Variants in MPHOSPH9 observed in about 807,000 individuals in gnomAD.
MPHOSPH9 encodes M-phase phosphoprotein 9.
Under a neutral mutation model 145.5 loss-of-function variants are expected in MPHOSPH9, and 88 were observed. That is an observed-to-expected ratio of 0.60 (90% confidence interval 0.51 to 0.72). The LOEUF is 0.72. MPHOSPH9 is among the 30% of genes least tolerant of loss of function. The pLI, the probability that MPHOSPH9 is intolerant of heterozygous loss-of-function variation, is 0.00. For missense variants in MPHOSPH9, 1,238 were observed against 1,386.6 expected (o/e 0.89, Z 1.70); for synonymous variants, 435 against 486.2 (o/e 0.89, Z 1.39).
intron 1 of MPHOSPH9, among the ~76,000 whole-genome samples, chr12:123,242,997 G>C (rs1007579249): frequency 3.1e-4 from 47 of 152,222 alleles, no homozygotes; most frequent in African/African-American, 1.1e-3. Context: ...GGAAAGATAA[G>C]TTTTGGACAT....
chr12:123,177,077 C>T (rs1000468924), intron 15 of MPHOSPH9, among the ~76,000 whole-genome samples: 10 of 152,052 alleles, frequency 6.6e-5, no homozygotes, highest in African/African-American at 2.4e-4. Context: ...GTAGTCCCAG[C>T]TACTCGGGGG....
rs1473384386 is a variant in MPHOSPH9 at position 123,227,558 on chromosome 12, A to G, written c.163T>C (p.Ser55Pro). ...VSSFSGKTRPSVIQGTVEVLT... is the reference protein window; with the variant it reads ...VSSFSGKTRPPVIQGTVEVLT... ...ACTTCAACTGTACCTTGAATTACAG[A>G]TGGTCTGGTCTTCCCTGAGAAAGAG... The change falls in exon 3 of 24, where the codon TCT becomes CCT. Residue 55 changes from serine to proline, a missense_variant. Transcript: ENST00000606320. 3.3e-6 allele frequency: 5 copies of G among 1,532,786 alleles called. No individual in the cohort carries two copies. In the South Asian group the frequency reaches 4.8e-5, roughly 15 times the overall value. The allele number at this position is 1,532,786 out of a possible 1,614,324, so 94.9% of individuals were successfully genotyped here.
At chr12:123,197,979 G>T (rs997114540) in intron 12 of MPHOSPH9, among the ~76,000 whole-genome samples, 11 of 151,252 alleles carry the variant, frequency 7.3e-5, no homozygotes, top group African/African-American at 2.7e-4. Context: ...AGCTACTCAG[G>T]AGGCTGAGGC....
intron 13 of MPHOSPH9, among the ~76,000 whole-genome samples, chr12:123,183,828 G>T (rs1593123774): frequency 6.6e-6 from 1 of 152,120 alleles, no homozygotes; most frequent in Non-Finnish European, 1.5e-5. Context: ...GACAGCAGGA[G>T]AAAATGAATG....
intron 8 of MPHOSPH9, among the ~76,000 whole-genome samples, chr12:123,209,343 T>C (rs1308803046): frequency 6.6e-6 from 1 of 152,174 alleles, no homozygotes; most frequent in East Asian, 1.9e-4. Context: ...TCCAGTATTT[T>C]AGAAGTTGAA....
At chr12:123,197,904 A>T (rs2046041231) in intron 12 of MPHOSPH9, among the ~76,000 whole-genome samples, 1 of 151,820 alleles carries the variant, frequency 6.6e-6, no homozygotes, top group Non-Finnish European at 1.5e-5. Flanking sequence ...TAACACGGTG[A>T]AACCCCGTCT....
chr12:123,164,753 TTTGTG>T (rs1370029584), intron 18 of MPHOSPH9, among the ~76,000 whole-genome samples: 4 of 152,102 alleles, frequency 2.6e-5, no homozygotes, highest in Non-Finnish European at 5.9e-5. Flanking sequence ...GTGTTTACAC[TTTGTG>T]TTGTGTTGTG....
At chr12:123,211,637 T>C (rs1422858753) in intron 7 of MPHOSPH9, among the ~76,000 whole-genome samples, 2 of 151,496 alleles carry the variant, frequency 1.3e-5, no homozygotes, top group Non-Finnish European at 2.9e-5. Flanking sequence ...ATTACAGTTG[T>C]GAGCTACCAG....
chr12:123,201,762 TA>T (rs1205207648), intron 11 of MPHOSPH9, among the ~76,000 whole-genome samples: 2 of 152,136 alleles, frequency 1.3e-5, no homozygotes, highest in Admixed American at 6.6e-5. Context: ...TAAGTGATTC[TA>T]AAATAGGTAT....
chr12:123,175,930 G>A (rs1376408447), intron 16 of MPHOSPH9, among the ~76,000 whole-genome samples: 2 of 150,552 alleles, frequency 1.3e-5, no homozygotes, highest in Admixed American at 6.6e-5. Flanking sequence ...ATGGGCTCTC[G>A]CCATGTTGCC....
chr12:123,221,522 T>C lies in MPHOSPH9; in HGVS notation c.722A>G (p.Asp241Gly), dbSNP rs1198193997. Reference protein sequence around the residue: ...APAVPAESLVDGVKNENFYIQ... With the variant: ...APAVPAESLVGGVKNENFYIQ... ...ATAAAAATTCTCATTTTTCACACCA[T>C]CTACAAGTGACTCAGCCGGCACCGC... The change falls in exon 5 of 24, where the codon GAT (aspartate) becomes GGT (glycine). Residue 241 changes from aspartate to glycine, a missense_variant. Coordinates refer to ENST00000606320, the MANE Select transcript of MPHOSPH9 (RefSeq NM_022782.4). The C allele has an allele frequency of 3.7e-6, 6 of 1,614,086 alleles. No individual in the cohort carries two copies. The highest frequency in any genetic ancestry group is 1.3e-5 in the African/African-American group (1 of 74,932).
At chr12:123,192,377 C>G (rs939085051) in intron 13 of MPHOSPH9, among the ~76,000 whole-genome samples, 1 of 151,528 alleles carries the variant, frequency 6.6e-6, no homozygotes, top group African/African-American at 2.4e-5. Flanking sequence ...TCACTTGAAC[C>G]CGGGAGGCAG....
chr12:123,156,500 C>T lies in MPHOSPH9; in HGVS notation c.*307G>A, dbSNP rs2043870177. On this transcript the variant is annotated 3_prime_UTR_variant, in exon 24 of 24. Coordinates refer to ENST00000606320, the MANE Select transcript of MPHOSPH9 (RefSeq NM_022782.4). ...TGCAGTTAATTGTAAAAGGATAACACTATTTGTTTAGAAACAAGCTGCTTC... is the reference window on the plus strand; with the variant it reads ...TGCAGTTAATTGTAAAAGGATAACATTATTTGTTTAGAAACAAGCTGCTTC... 4.9e-6 allele frequency: 1 copy of T among 203,250 alleles called. No individual in the cohort carries two copies. Among genetic ancestry groups the T allele is most frequent in the South Asian group, 1.3e-4 (1 of 7,608 alleles). 12.6% of individuals were successfully genotyped at this position (203,250 alleles called of 1,614,324 possible).
At chr12:123,233,480 TGATTTG>T (rs2047762590), upstream of MPHOSPH9, 1 of 151,976 alleles carries the variant, frequency 6.6e-6, no homozygotes. Flanking sequence ...TCCGCTGAGG[TGATTTG>T]GATATCCCTA....
intron 13 of MPHOSPH9, among the ~76,000 whole-genome samples, chr12:123,190,448 C>T (rs2045630489): frequency 6.6e-6 from 1 of 152,118 alleles, no homozygotes; most frequent in Non-Finnish European, 1.5e-5. Context: ...CCACACCCGG[C>T]CGGAGTATTT....
intron 13 of MPHOSPH9, among the ~76,000 whole-genome samples, chr12:123,182,419 A>G (rs12816978): frequency 2.0e-5 from 3 of 150,624 alleles, no homozygotes; most frequent in Non-Finnish European, 4.4e-5. Context: ...ATGCTCAGCT[A>G]ATTTTTGTAT....
Position 123,156,895 on chromosome 12 carries a change from T to A in MPHOSPH9, c.3464A>T (p.Asp1155Val). ...TTCTCGATTAATCCTTTCCAAACGA[T>A]CTTCCAAGGCTTCCTAGGTGAAAAC... Reference protein sequence around the residue: ...QTRLNQEALEDRLERINRELG... With the variant: ...QTRLNQEALEVRLERINRELG... The change falls in exon 24 of 24, where the codon GAT (aspartate) becomes GTT (valine). Residue 1155 changes from aspartate to valine, a missense_variant. Physicochemically the swap from Asp to Val is radical, Grantham distance 152. Coordinates refer to ENST00000606320, the MANE Select transcript of MPHOSPH9 (RefSeq NM_022782.4). 6.2e-7 allele frequency: 1 copy of A among 1,606,878 alleles called. No homozygotes were observed. The highest frequency in any genetic ancestry group is 1.1e-5 in the South Asian group (1 of 90,340).
At chr12:123,191,064 G>C (rs2045655694) in intron 13 of MPHOSPH9, among the ~76,000 whole-genome samples, 1 of 152,138 alleles carries the variant, frequency 6.6e-6, no homozygotes, top group African/African-American at 2.4e-5. Flanking sequence ...GCTCATGCCT[G>C]TCATCTCAGC....
At chr12:123,235,268 T>C (rs2138736286), upstream of MPHOSPH9, among the ~76,000 whole-genome samples, 1 of 152,304 alleles carries the variant, frequency 6.6e-6, no homozygotes, top group South Asian at 2.1e-4. Context: ...AGTAAGTAAA[T>C]TGTGGCATTG....
Sources: gnomAD v4.1 joint callset for allele counts (sites outside exome capture counted in the v4.1 genomes callset) on GRCh38, gnomAD v4.1.1 for gene constraint, MANE v1.5 for transcripts, NCBI Gene and HGNC (gene_info 2026-07-23, HGNC 2026-07-21) for gene names.